Variants in CRPPA observed in about 807,000 individuals in gnomAD.
CRPPA encodes the protein D-ribitol-5-phosphate cytidylyltransferase.
A neutral mutation model predicts 52.0 loss-of-function variants in CRPPA; 43 were observed. The ratio of observed to expected loss-of-function variants is 0.83; its 90% CI spans 0.65 to 1.07. CRPPA has a LOEUF of 1.07. CRPPA is among the 50% of genes least tolerant of loss of function. The pLI is 0.00. For missense variants in CRPPA, 629 were observed against 551.7 expected, an observed-to-expected ratio of 1.14 and a Z score of -1.40; for synonymous variants, 250 against 203.5, an observed-to-expected ratio of 1.23 and a Z score of -1.94.
chr7:16,392,684 G>T (rs1301225672), intron 2 of CRPPA, among the ~76,000 whole-genome samples: 1 of 152,066 alleles, frequency 6.6e-6, no homozygotes, highest in Non-Finnish European at 1.5e-5. Flanking sequence ...AATTGCTTTT[G>T]ATATTTTAAC....
chr7:16,128,157 T>C (rs1782615984), intron 9 of CRPPA, among the ~76,000 whole-genome samples: 1 of 152,118 alleles, frequency 6.6e-6, no homozygotes, highest in African/African-American at 2.4e-5. Flanking sequence ...CAGGAAGAAC[T>C]GAATGTATAC....
intron 3 of CRPPA, among the ~76,000 whole-genome samples, chr7:16,349,727 G>A (rs1313106809): frequency 2.0e-5 from 3 of 151,996 alleles, no homozygotes; most frequent in Non-Finnish European, 4.4e-5. Flanking sequence ...AAAAGGAAAA[G>A]AGAATGAGAA....
intron 5 of CRPPA, among the ~76,000 whole-genome samples, chr7:16,278,530 C>T (rs1784256990): frequency 6.6e-6 from 1 of 152,182 alleles, no homozygotes; most frequent in Non-Finnish European, 1.5e-5. Context: ...ATTTGAAGTT[C>T]AACAATTCAA....
intron 8 of CRPPA, among the ~76,000 whole-genome samples, chr7:16,230,502 T>G (rs1293244251): frequency 3.3e-5 from 5 of 152,160 alleles, no homozygotes; most frequent in Non-Finnish European, 7.3e-5. Context: ...AAAAATATTA[T>G]TTCCATCTGA....
At chr7:16,169,056 G>A (rs781047729) in intron 9 of CRPPA, among the ~76,000 whole-genome samples, 2 of 152,126 alleles carry the variant, frequency 1.3e-5, no homozygotes, top group Non-Finnish European at 2.9e-5. Context: ...AAATCCAACT[G>A]TAAGAAACAA....
intron 9 of CRPPA, among the ~76,000 whole-genome samples, chr7:16,120,547 A>T (rs991537743): frequency 6.6e-6 from 1 of 152,196 alleles, no homozygotes; most frequent in East Asian, 1.9e-4. Context: ...AATTTCTCAA[A>T]GAATGATAGA....
chr7:16,211,870 C>G (rs1287584328), intron 9 of CRPPA, among the ~76,000 whole-genome samples: 6 of 152,092 alleles, frequency 3.9e-5, no homozygotes, highest in African/African-American at 1.4e-4. Context: ...CTTCAAAGCC[C>G]AGACAATAGA....
Position 16,286,079 on chromosome 7 carries a change from A to T in CRPPA, c.836-7853T>A, listed in dbSNP as rs1174003698. ...TATATATATATATATATATATATAT[A>T]TAATATTTAAAAAAAAAAATATATA... is the stretch of plus-strand genomic sequence containing the variant. On this transcript the variant is annotated intron_variant, in intron 5 of 9. Coordinates refer to ENST00000407010, the MANE Select transcript of CRPPA (RefSeq NM_001101426.4). Among the ~76,000 whole-genome samples the T allele has an allele frequency of 7.5e-3, 284 of 38,080 alleles. 7 individuals are homozygous for T. Among genetic ancestry groups the T allele is most frequent in the East Asian group, 0.014 (23 of 1,698 alleles). The allele number at this position is 38,080 out of a possible 152,430, so 25.0% of individuals were successfully genotyped here.
chr7:16,286,097 A>AAAAATATATATAT lies in CRPPA; in HGVS notation c.836-7872_836-7871insATATATATATTTT. Among the ~76,000 whole-genome samples the AAAAATATATATAT allele has an allele frequency of 4.2e-3, 163 of 39,116 alleles. 12 individuals carry two copies. The highest frequency in any genetic ancestry group is 5.0e-3 in the Non-Finnish European group (124 of 24,644). 25.7% of individuals were successfully genotyped at this position (39,116 alleles called of 152,430 possible). ...TATATATATAATATTTAAAAAAAAA[A>AAAAATATATATAT]ATATATATATATATATATATGCCAA... On this transcript the variant is annotated intron_variant, in intron 5 of 9. Coordinates refer to ENST00000407010, the MANE Select transcript of CRPPA (RefSeq NM_001101426.4).
At chr7:16,190,363 G>A (rs539991342) in intron 9 of CRPPA, among the ~76,000 whole-genome samples, 1 of 152,284 alleles carries the variant, frequency 6.6e-6, no homozygotes, top group East Asian at 1.9e-4. Context: ...GAGACTTGAA[G>A]CTGTTTTAGG....
At chr7:16,349,611 G>T (rs1786096776) in intron 3 of CRPPA, among the ~76,000 whole-genome samples, 1 of 152,034 alleles carries the variant, frequency 6.6e-6, no homozygotes, top group African/African-American at 2.4e-5. Flanking sequence ...AATTAAAGGT[G>T]AAGAAAATAA....
rs545663821 is a variant in CRPPA at position 16,303,477 on chromosome 7, TAAAAAAAAAA to T, written c.790-2021_790-2012del. Among the ~76,000 whole-genome samples, 9 of 44,976 alleles carry T rather than the reference TAAAAAAAAAA, an allele frequency of 2.0e-4. 2 individuals carry two copies. The highest frequency in any genetic ancestry group is 1.4e-3 in the Admixed American group (4 of 2,928). The allele number at this position is 44,976 out of a possible 152,430, so 29.5% of individuals were successfully genotyped here. On this transcript the variant is annotated intron_variant, in intron 4 of 9. Transcript: ENST00000407010. ...GTTTCTGTGTTGAGACATAAAATAG[TAAAAAAAAAA>T]AAAAAAAAAAAAAAAACTTTCAGAA...
intron 2 of CRPPA, among the ~76,000 whole-genome samples, chr7:16,377,256 T>TA (rs1275072870): frequency 6.6e-6 from 1 of 151,854 alleles, no homozygotes; most frequent in African/African-American, 2.4e-5. Flanking sequence ...AACCTAGGCA[T>TA]AAAAACAAAA....
intron 9 of CRPPA, among the ~76,000 whole-genome samples, chr7:16,149,451 T>C (rs368893551): frequency 1.3e-5 from 2 of 152,316 alleles, no homozygotes; most frequent in East Asian, 3.9e-4. Context: ...CATATGTCCT[T>C]TTCCTGCCAT....
intron 2 of CRPPA, among the ~76,000 whole-genome samples, chr7:16,393,488 G>A (rs181660834): frequency 4.1e-4 from 63 of 152,002 alleles, no homozygotes; most frequent in African/African-American, 1.5e-3. Context: ...GTGGAAAAGG[G>A]GATAATTATT....
At chr7:16,374,763 C>T (rs941569137) in intron 3 of CRPPA, among the ~76,000 whole-genome samples, 1 of 152,136 alleles carries the variant, frequency 6.6e-6, no homozygotes, top group African/African-American at 2.4e-5. Context: ...CCACTGTCTT[C>T]TCACTGTGGA....
chr7:16,199,854 CTTT>C (rs68003825), intron 9 of CRPPA, among the ~76,000 whole-genome samples: 1 of 120,108 alleles, frequency 8.3e-6, no homozygotes. Flanking sequence ...TAAGCTTTTT[CTTT>C]TTTTTTTTTT....
At chr7:16,346,521 G>GA (rs5882568) in intron 3 of CRPPA, among the ~76,000 whole-genome samples, 46,573 of 150,470 alleles carry the variant, frequency 0.31, 7,480 homozygotes, top group African/African-American at 0.38. Context: ...CATAGCAAGA[G>GA]AAAAAAAAAT....
chr7:16,109,679 A>G (rs1782222598), intron 9 of CRPPA, among the ~76,000 whole-genome samples: 1 of 152,128 alleles, frequency 6.6e-6, no homozygotes, highest in South Asian at 2.1e-4. Context: ...CAAGTGCTGT[A>G]CCTCATATTA....
Sources: gnomAD v4.1 joint callset for allele counts (sites outside exome capture counted in the v4.1 genomes callset) on GRCh38, gnomAD v4.1.1 for gene constraint, MANE v1.5 for transcripts, NCBI Gene and HGNC (gene_info 2026-07-23, HGNC 2026-07-21) for gene names.